The following ADAM23 variants were observed in gnomAD, a reference collection of about 807,000 sequenced individuals.
The protein encoded by ADAM23 is disintegrin and metalloproteinase domain-containing protein 23.
A neutral mutation model predicts 120.1 loss-of-function variants in ADAM23; 33 were observed. The observed-to-expected ratio is 0.27, with a 90% CI of 0.21 to 0.37. The LOEUF (loss-of-function observed/expected upper bound fraction) is 0.37, where lower values mean the gene tolerates loss of function less well. ADAM23 is among the 10% of genes least tolerant of loss of function. The pLI, the probability that ADAM23 is intolerant of heterozygous loss-of-function variation, is 1.00. For synonymous variants in ADAM23, 367 were observed against 375.2 expected (o/e 0.98, Z 0.25); for missense variants, 862 against 1,058.2 (o/e 0.81, Z 2.57).
intron 25 of ADAM23, among the ~76,000 whole-genome samples, chr2:206,613,453 A>G (rs1267281906): frequency 4.6e-5 from 7 of 152,210 alleles, no homozygotes; most frequent in South Asian, 2.1e-4. Context: ...GAATTTCTCT[A>G]TGAAATCCTG....
At chr2:206,497,126 G>A (rs1242506435) in intron 3 of ADAM23, among the ~76,000 whole-genome samples, 1 of 152,192 alleles carries the variant, frequency 6.6e-6, no homozygotes, top group Non-Finnish European at 1.5e-5. Context: ...AATAGAAAAT[G>A]AGGGAATCCT....
At chr2:206,587,021 A>G (rs1292060500) in intron 18 of ADAM23, among the ~76,000 whole-genome samples, 1 of 152,114 alleles carries the variant, frequency 6.6e-6, no homozygotes, top group Admixed American at 6.5e-5. Context: ...CATTTCCTTC[A>G]TTGTCCATTT....
intron 3 of ADAM23, among the ~76,000 whole-genome samples, chr2:206,525,325 G>A (rs1696921741): frequency 6.6e-6 from 1 of 151,932 alleles, no homozygotes; most frequent in Non-Finnish European, 1.5e-5. Context: ...AAATTTCAGA[G>A]AATACAGATT....
chr2:206,556,489 G>GT (rs1021544063), intron 9 of ADAM23, among the ~76,000 whole-genome samples: 3 of 152,138 alleles, frequency 2.0e-5, no homozygotes, highest in South Asian at 4.2e-4. Context: ...TGAGTCTGTG[G>GT]TTTTAAGTAG....
intron 3 of ADAM23, among the ~76,000 whole-genome samples, chr2:206,511,845 CAAGGAATCCA>C (rs563873917): frequency 6.6e-6 from 1 of 152,082 alleles, no homozygotes; most frequent in African/African-American, 2.4e-5. Flanking sequence ...CTTATCTGTG[CAAGGAATCCA>C]AATAAGGAAA....
chr2:206,592,177 G>A (rs1238780318), intron 21 of ADAM23, among the ~76,000 whole-genome samples: 2 of 152,178 alleles, frequency 1.3e-5, no homozygotes, highest in Admixed American at 6.5e-5. Flanking sequence ...ACATTCAAAG[G>A]TAGGAAGTAA....
intron 2 of ADAM23, among the ~76,000 whole-genome samples, chr2:206,446,625 T>A (rs72933203): frequency 0.065 from 9,951 of 152,270 alleles, 420 homozygotes; most frequent in Middle Eastern, 0.12. Flanking sequence ...AAAATTCAGG[T>A]GACCTGAATG....
In ADAM23 at chr2:206,605,399, A is replaced by G. The variant is rs138869449; in HGVS notation, c.2360-4511A>G. Reference sequence around the variant, plus strand: ...TGAAAAGATGTAGCTTCTTAGGCATATTTTACAGTTTGAGAATTTTATAAA... The same window carrying G: ...TGAAAAGATGTAGCTTCTTAGGCATGTTTTACAGTTTGAGAATTTTATAAA... On this transcript the variant is annotated intron_variant, in intron 24 of 25. Transcript: ENST00000264377. Among the ~76,000 whole-genome samples, 9 of 152,330 alleles carry G rather than the reference A, an allele frequency of 5.9e-5. No individual in the cohort carries two copies. The East Asian group carries it at 1.5e-3, about 26-fold the overall frequency.
At chr2:206,545,585 A>G (rs1697381712) in intron 6 of ADAM23, among the ~76,000 whole-genome samples, 1 of 152,206 alleles carries the variant, frequency 6.6e-6, no homozygotes, top group Admixed American at 6.5e-5. Flanking sequence ...TGTCTTGGTT[A>G]TGGCGATGTA....
At chr2:206,549,381 T>TATA (rs1475065785) in intron 8 of ADAM23, among the ~76,000 whole-genome samples, 5 of 151,798 alleles carry the variant, frequency 3.3e-5, no homozygotes, top group Non-Finnish European at 5.9e-5. Flanking sequence ...CCTCATCAAA[T>TATA]ATAAAGTGAT....
Position 206,473,198 on chromosome 2 carries a change from A to G in ADAM23, c.433-8034A>G, listed in dbSNP as rs533261943. On this transcript the variant is annotated intron_variant, in intron 2 of 25. Transcript: ENST00000264377. The stretch of plus-strand genomic sequence containing the variant: ...GCATCTTGTGTTTTACTTTAAAAGC[A>G]TGTTTCTTAAGCATTTATTTGTTAG... Among the ~76,000 whole-genome samples, 10 of 152,290 alleles carry G rather than the reference A, an allele frequency of 6.6e-5. No homozygotes were observed. The South Asian group carries it at 1.5e-3, about 22-fold the overall frequency.
At chr2:206,512,302 AG>A (rs1176665596) in intron 3 of ADAM23, among the ~76,000 whole-genome samples, 1 of 152,238 alleles carries the variant, frequency 6.6e-6, no homozygotes, top group East Asian at 1.9e-4. Context: ...AAGAATGATC[AG>A]GCATGAGACA....
At chr2:206,521,497 T>A (rs1043012138) in intron 3 of ADAM23, among the ~76,000 whole-genome samples, 12 of 152,170 alleles carry the variant, frequency 7.9e-5, no homozygotes, top group Non-Finnish European at 1.8e-4. Flanking sequence ...ATACATTCAT[T>A]GTAAAAATTT....
chr2:206,594,670 G>A, intron 22 of ADAM23, 67 bp from the exon 23 acceptor site: 7 of 1,574,396 alleles, frequency 4.4e-6, no homozygotes, highest in South Asian at 2.3e-5. Flanking sequence ...TGAAGAGCAA[G>A]CCTCATTCAT....
chr2:206,526,472 GTTC>G (rs768231919), intron 3 of ADAM23, among the ~76,000 whole-genome samples: 9 of 152,188 alleles, frequency 5.9e-5, no homozygotes, highest in Non-Finnish European at 1.3e-4. Flanking sequence ...CTTTTAGACA[GTTC>G]TTCTCCAAAT....
At chr2:206,563,440 C>G (rs562745973) in intron 13 of ADAM23, among the ~76,000 whole-genome samples, 1 of 152,262 alleles carries the variant, frequency 6.6e-6, no homozygotes, top group African/African-American at 2.4e-5. Context: ...GGTGGCATTT[C>G]ACAAACCTCC....
At chr2:206,550,469 C>A (rs185638717) in intron 9 of ADAM23, among the ~76,000 whole-genome samples, 88 of 152,106 alleles carry the variant, frequency 5.8e-4, no homozygotes, top group Non-Finnish European at 2.9e-4. Flanking sequence ...TAATTTTATT[C>A]CGTGCTTTTG....
intron 2 of ADAM23, among the ~76,000 whole-genome samples, chr2:206,466,500 C>G (rs977822239): frequency 2.6e-5 from 4 of 152,172 alleles, no homozygotes; most frequent in Non-Finnish European, 5.9e-5. Flanking sequence ...CTAGCTCTAT[C>G]AGACAGTAAG....
chr2:206,530,260 C>T (rs1254710905), intron 3 of ADAM23, among the ~76,000 whole-genome samples: 2 of 152,228 alleles, frequency 1.3e-5, no homozygotes, highest in African/African-American at 4.8e-5. Flanking sequence ...CCCGTGGCTG[C>T]TTTTGCAATA....
Sources: allele counts gnomAD v4.1 joint callset (sites outside exome capture counted in the v4.1 genomes callset), GRCh38; gene constraint gnomAD v4.1.1; transcripts MANE v1.5; gene names NCBI Gene and HGNC (gene_info 2026-07-23, HGNC 2026-07-21).